IL5RA: variants seen among roughly 807,000 people sequenced by gnomAD.
The protein encoded by IL5RA is interleukin-5 receptor subunit alpha.
IL5RA carries 49 observed loss-of-function variants against 50.0 expected under a neutral mutation model. The ratio of observed to expected loss-of-function variants is 0.98; its 90% CI spans 0.78 to 1.24. IL5RA has a LOEUF of 1.24. Ranked by LOEUF, IL5RA falls within the 50% of genes most tolerant of loss-of-function variation. The probability of loss-of-function intolerance (pLI) is 0.00; values close to 1 mark genes in which losing one functional copy is unlikely to be tolerated. For synonymous variants in IL5RA, 202 were observed against 174.0 expected, an observed-to-expected ratio of 1.16 and a Z score of -1.26; for missense variants, 600 against 500.4, an observed-to-expected ratio of 1.20 and a Z score of -1.90.
At chr3:3,097,735 G>C (rs954052690) in intron 7 of IL5RA, 135 bp downstream of exon 7, 8 of 927,262 alleles carry the variant, frequency 8.6e-6, no homozygotes, top group African/African-American at 1.7e-5. Context: ...CCTTGCCCCA[G>C]TGGTTTTCAA....
intron 11 of IL5RA, among the ~76,000 whole-genome samples, chr3:3,070,734 C>T (rs1348032514): frequency 6.6e-6 from 1 of 151,928 alleles, no homozygotes; most frequent in Non-Finnish European, 1.5e-5. Context: ...AAGTACACAC[C>T]ACCATGCCCG....
At chr3:3,098,080 G>C (rs559166807) in intron 6 of IL5RA, 23 bp from the exon 7 acceptor site, 38 of 1,613,952 alleles carry the variant, frequency 2.4e-5, no homozygotes, top group Non-Finnish European at 3.2e-5. Flanking sequence ...ATTTACGAGT[G>C]TTATGAGGTT....
chr3:3,092,458 C>T lies in IL5RA; in HGVS notation c.856-96G>A, dbSNP rs1377024936. 25 of 1,108,928 alleles carry T rather than the reference C, an allele frequency of 2.3e-5. No individual in the cohort carries two copies. Among genetic ancestry groups the T allele is most frequent in the South Asian group, 4.3e-5 (3 of 70,310 alleles). The allele number at this position is 1,108,928 out of a possible 1,614,324, so 68.7% of individuals were successfully genotyped here. On this transcript the variant is annotated intron_variant, in intron 8 of 11. Transcript: ENST00000446632. This position sits in a 1 kb window ranked among gnomAD's most constrained non-coding sequence, Gnocchi z 4.2. ...GAGGTCCTATATAGGTCATGTGACTCACTGTTCAGCAAGTCCTTTAAAATC... is the reference window on the plus strand; with the variant it reads ...GAGGTCCTATATAGGTCATGTGACTTACTGTTCAGCAAGTCCTTTAAAATC...
At chr3:3,099,490 G>A (rs886991305) in intron 5 of IL5RA, among the ~76,000 whole-genome samples, 1 of 151,976 alleles carries the variant, frequency 6.6e-6, no homozygotes, top group Non-Finnish European at 1.5e-5. Flanking sequence ...TTAGCCAGGT[G>A]TGGCGGCATG....
At chr3:3,085,119 C>T (rs1702805058) in intron 9 of IL5RA, among the ~76,000 whole-genome samples, 1 of 152,210 alleles carries the variant, frequency 6.6e-6, no homozygotes, top group Non-Finnish European at 1.5e-5. Context: ...GGTGGGGCTG[C>T]CAGGTGGGAT....
rs111995950 is a variant in IL5RA, at chr3:3,084,505, G to C, written c.994+7719C>G. Among the ~76,000 whole-genome samples, 1,165 of 152,328 alleles carry C rather than the reference G, an allele frequency of 7.6e-3. 17 individuals are homozygous for C. Among genetic ancestry groups the C allele is most frequent in the African/African-American group, 0.025 (1,023 of 41,570 alleles). ...TGAAGAACTTGGACAGGAACATTTA[G>C]ACAAGAATGGCCTGAAGAGGCTAAC... is the stretch of plus-strand genomic sequence containing the variant. On this transcript the variant is annotated intron_variant, in intron 9 of 11. Transcript: ENST00000446632.
At chr3:3,087,701 G>A (rs943419313) in intron 9 of IL5RA, among the ~76,000 whole-genome samples, 1 of 152,066 alleles carries the variant, frequency 6.6e-6, no homozygotes, top group Non-Finnish European at 1.5e-5. Context: ...AAAATGGAGT[G>A]GGAGGGCTAC....
At chr3:3,091,115 A>T (rs1703079442) in intron 9 of IL5RA, among the ~76,000 whole-genome samples, 1 of 152,242 alleles carries the variant, frequency 6.6e-6, no homozygotes, top group South Asian at 2.1e-4. Flanking sequence ...CCGGTGATGC[A>T]TGGACCTCTT....
chr3:3,099,368 C>T (rs1264926972), intron 5 of IL5RA, among the ~76,000 whole-genome samples: 2 of 152,082 alleles, frequency 1.3e-5, no homozygotes, highest in East Asian at 3.9e-4. Context: ...GTGGCATGCA[C>T]CTGTAGTCCC....
intron 4 of IL5RA, 111 bp downstream of exon 4, chr3:3,102,564 G>C (rs906919668): frequency 1.4e-6 from 1 of 714,632 alleles, no homozygotes; most frequent in Non-Finnish European, 2.3e-6. Flanking sequence ...ACATAACATA[G>C]AGCCTGTCAG....
Position 3,097,884 on chromosome 3 carries a change from G to C in IL5RA, c.695C>G (p.Ala232Gly), listed in dbSNP as rs140027626. The change falls in exon 7 of 12, where the codon GCC becomes GGC. Residue 232 changes from alanine to glycine, a missense_variant. By Grantham distance (60) the Ala-to-Gly change is moderately conservative. Coordinates refer to ENST00000446632, the MANE Select transcript of IL5RA (RefSeq NM_175726.4). ...GTCGGTCTTACCAATGGCGTGAAGGGCAAACAGCTGATCAAAGGGCCTGAT... is the reference window on the plus strand; with the variant it reads ...GTCGGTCTTACCAATGGCGTGAAGGCCAAACAGCTGATCAAAGGGCCTGAT... The part of the protein sequence containing the change: ...SAIRPFDQLF[A>G]LHAIDQINPP... The C allele has an allele frequency of 4.6e-5, 74 of 1,613,716 alleles. No individual in the cohort carries two copies. The African/African-American group carries it at 9.5e-4, about 21-fold the overall frequency.
At chr3:3,104,823 G>A (rs1703829446) in intron 3 of IL5RA, 80 bp downstream of exon 3, 2 of 864,138 alleles carry the variant, frequency 2.3e-6, no homozygotes, top group African/African-American at 1.7e-5. Context: ...CTAATCGACA[G>A]TTTAAGAGGA....
intron 8 of IL5RA, among the ~76,000 whole-genome samples, chr3:3,094,744 A>G (rs78647518): frequency 6.6e-6 from 1 of 151,632 alleles, no homozygotes; most frequent in Non-Finnish European, 1.5e-5. Context: ...GTTTTTTTAG[A>G]TGAAATGTTG....
chr3:3,080,987 T>C (rs1434831936), intron 9 of IL5RA, among the ~76,000 whole-genome samples: 3 of 152,206 alleles, frequency 2.0e-5, no homozygotes, highest in Non-Finnish European at 4.4e-5. Context: ...TGACCAACTG[T>C]GCCTAGCCCT....
intron 7 of IL5RA, among the ~76,000 whole-genome samples, chr3:3,097,641 G>A (rs1013423239): frequency 2.6e-5 from 4 of 152,026 alleles, no homozygotes; most frequent in South Asian, 2.1e-4. Flanking sequence ...CAGAGATGCC[G>A]CTAAATATCC....
chr3:3,070,320 C>G lies in IL5RA; in HGVS notation c.1177-9G>C. The G allele has an allele frequency of 6.3e-7, 1 of 1,593,864 alleles. No homozygotes were observed. Among genetic ancestry groups the G allele is most frequent in the Non-Finnish European group, 8.6e-7 (1 of 1,163,438 alleles). On this transcript the variant is annotated splice_polypyrimidine_tract_variant and intron_variant, in intron 11 of 11. Transcript: ENST00000446632. ...TCACTGGACCCAGCTTTCTGCAAAACAAATCATCTTTCCTTAGATGTCTTT... is the reference window on the plus strand; with the variant it reads ...TCACTGGACCCAGCTTTCTGCAAAAGAAATCATCTTTCCTTAGATGTCTTT...
At chr3:3,106,184 CT>C (rs1395906554) in intron 2 of IL5RA, among the ~76,000 whole-genome samples, 2 of 152,190 alleles carry the variant, frequency 1.3e-5, no homozygotes, top group African/African-American at 4.8e-5. Context: ...AACCTATGCT[CT>C]GTCAACTTTA....
chr3:3,079,361 C>G (rs1446523919), intron 9 of IL5RA, among the ~76,000 whole-genome samples: 1 of 152,144 alleles, frequency 6.6e-6, no homozygotes, highest in Admixed American at 6.5e-5. Context: ...CACTAACTGC[C>G]CATTTCAGTC....
At chr3:3,103,925 A>T (rs759577820) in intron 3 of IL5RA, among the ~76,000 whole-genome samples, 2 of 152,198 alleles carry the variant, frequency 1.3e-5, no homozygotes, top group Non-Finnish European at 1.5e-5. Flanking sequence ...ACCTTAACGG[A>T]CTTCCACACC....
Sources: allele counts gnomAD v4.1 joint callset (sites outside exome capture counted in the v4.1 genomes callset), GRCh38; gene constraint gnomAD v4.1.1; non-coding constraint Gnocchi (gnomAD v3.1); transcripts MANE v1.5; gene names NCBI Gene and HGNC (gene_info 2026-07-23, HGNC 2026-07-21).